NRP2: variants seen among roughly 807,000 people sequenced by gnomAD.
NRP2 encodes neuropilin 2, also known as neuropilin-2.
NRP2 carries 52 observed loss-of-function variants against 110.4 expected under a neutral mutation model. The ratio of observed to expected loss-of-function variants is 0.47; its 90% CI spans 0.38 to 0.59. The LOEUF is 0.59. Among genes scored for constraint, NRP2 ranks in the 20% least tolerant of loss-of-function variants. The pLI is 0.00. For missense variants in NRP2, 1,049 were observed against 1,203.0 expected (o/e 0.87, Z 1.89); for synonymous variants, 508 against 468.9 (o/e 1.08, Z -1.08).
intron 2 of NRP2, among the ~76,000 whole-genome samples, chr2:205,703,138 C>T (rs187026631): frequency 6.6e-6 from 1 of 152,318 alleles, no homozygotes; most frequent in East Asian, 1.9e-4. Flanking sequence ...AAATGCCAGG[C>T]AATAGGTCAG....
At chr2:205,698,920 A>T (rs2056494584) in intron 2 of NRP2, among the ~76,000 whole-genome samples, 1 of 152,266 alleles carries the variant, frequency 6.6e-6, no homozygotes, top group African/African-American at 2.4e-5. Context: ...GGTCTGGGCC[A>T]GCACTTCCTC....
At chr2:205,774,565 A>T (rs945671251) in intron 15 of NRP2, among the ~76,000 whole-genome samples, 1 of 152,224 alleles carries the variant, frequency 6.6e-6, no homozygotes, top group African/African-American at 2.4e-5. Context: ...GGTGCCAATG[A>T]ACCTGCACCC....
At chr2:205,727,500 G>A (rs2057150030) in intron 6 of NRP2, among the ~76,000 whole-genome samples, 1 of 152,174 alleles carries the variant, frequency 6.6e-6, no homozygotes, top group South Asian at 2.1e-4. Context: ...GAGTTGGATT[G>A]AACTGGACAG....
intron 7 of NRP2, chr2:205,739,875 A>G (rs849576): frequency 0.96 from 157,503 of 163,492 alleles, 76,077 homozygotes; most frequent in East Asian, 1. Flanking sequence ...ATTACAGGGC[A>G]GGACTACAGT....
chr2:205,728,804 C>CT (rs1347682374), intron 7 of NRP2, among the ~76,000 whole-genome samples: 1 of 152,198 alleles, frequency 6.6e-6, no homozygotes, highest in African/African-American at 2.4e-5. Flanking sequence ...CAGCCAGGGG[C>CT]TTGTGTGGGT....
intron 15 of NRP2, among the ~76,000 whole-genome samples, chr2:205,791,416 C>G (rs1292298161): frequency 6.6e-6 from 1 of 152,160 alleles, no homozygotes; most frequent in Non-Finnish European, 1.5e-5. Flanking sequence ...ATTTGATGTT[C>G]TCTATTAATG....
Position 205,763,800 on chromosome 2 carries a change from G to A in NRP2, c.2171G>A (p.Gly724Asp). The change falls in exon 13 of 17, where the codon GGC becomes GAC. Residue 724 changes from glycine (G) to aspartate (D), a missense_variant. Coordinates refer to ENST00000357785, the MANE Select transcript of NRP2 (RefSeq NM_003872.3). This position sits in a 1 kb window ranked among gnomAD's most constrained non-coding sequence, Gnocchi z 4.0. ...ATGGAGTTCCAGTACCAGGCCACGG[G>A]CGGCCGCGGGGTGGCGCTGCAGGTG... ...VCMEFQYQAT[G>D]GRGVALQVVR... The A allele has an allele frequency of 1.2e-6, 2 of 1,614,130 alleles. No homozygotes were observed. Among genetic ancestry groups the A allele is most frequent in the Non-Finnish European group, 1.7e-6 (2 of 1,180,018 alleles).
intron 10 of NRP2, among the ~76,000 whole-genome samples, chr2:205,748,475 G>T (rs1041859130): frequency 2.6e-5 from 4 of 152,190 alleles, no homozygotes; most frequent in African/African-American, 7.2e-5. Context: ...GACACTTCGA[G>T]GTTATTTGCT....
chr2:205,713,155 C>A (rs2056831506), intron 2 of NRP2, among the ~76,000 whole-genome samples: 2 of 152,050 alleles, frequency 1.3e-5, no homozygotes, highest in African/African-American at 2.4e-5. Flanking sequence ...TCTGTTAATC[C>A]CCTAAATGAC....
intron 2 of NRP2, among the ~76,000 whole-genome samples, chr2:205,698,642 T>TCTA (rs1476529573): frequency 2.0e-5 from 3 of 152,220 alleles, no homozygotes; most frequent in Admixed American, 6.5e-5. Flanking sequence ...CTTTAAGCTG[T>TCTA]CTACTGAGCT....
chr2:205,779,282 T>C (rs994476267), intron 15 of NRP2: 2 of 152,194 alleles, frequency 1.3e-5, no homozygotes, highest in Admixed American at 6.5e-5. Flanking sequence ...GATATTATGC[T>C]AGCAATTGCC....
In NRP2 at chr2:205,697,535, C is replaced by G. The variant is rs1362280771; in HGVS notation, c.74-9C>G. 1 of 1,613,368 alleles carries G rather than the reference C, an allele frequency of 6.2e-7. No homozygotes were observed. Among genetic ancestry groups the G allele is most frequent in the Non-Finnish European group, 8.5e-7 (1 of 1,179,430 alleles). On this transcript the variant is annotated splice_polypyrimidine_tract_variant and intron_variant, in intron 1 of 16. Transcript: ENST00000357785. ...TTGAAGTTCTTTGGGTCGTTGATTT[C>G]TCTTTCAGACCCACCGTGCGGAGGT... is the stretch of plus-strand genomic sequence containing the variant.
intron 15 of NRP2, among the ~76,000 whole-genome samples, chr2:205,780,403 T>C (rs2058160807): frequency 6.6e-6 from 1 of 152,170 alleles, no homozygotes; most frequent in Non-Finnish European, 1.5e-5. Context: ...TCTTTCTTGA[T>C]GAGTATTTTT....
At chr2:205,734,347 C>A (rs917299705) in intron 7 of NRP2, among the ~76,000 whole-genome samples, 1 of 151,822 alleles carries the variant, frequency 6.6e-6, no homozygotes, top group Non-Finnish European at 1.5e-5. Context: ...AGATCAGGAC[C>A]ATGATTCACA....
intron 4 of NRP2, 149 bp downstream of exon 4, chr2:205,722,857 G>C: frequency 1.5e-6 from 1 of 670,914 alleles, no homozygotes; most frequent in Non-Finnish European, 2.7e-6. Flanking sequence ...CTTCACTAAG[G>C]ATAGCTTGAG....
At chr2:205,757,639 T>G (rs1465144034) in intron 12 of NRP2, among the ~76,000 whole-genome samples, 1 of 152,210 alleles carries the variant, frequency 6.6e-6, no homozygotes, top group African/African-American at 2.4e-5. Context: ...GAATTGCTGT[T>G]AGATTGAACT....
chr2:205,688,939 C>T (rs1483599540), intron 1 of NRP2, among the ~76,000 whole-genome samples: 1 of 152,200 alleles, frequency 6.6e-6, no homozygotes, highest in Non-Finnish European at 1.5e-5. Context: ...CCGCCCTCCC[C>T]GGCCCCATGC....
In NRP2 at chr2:205,734,548, G is replaced by T. The variant is rs74520337; in HGVS notation, c.1147-5971G>T. ...GGTTTCAGAGCAGATGCAAGGGAAG[G>T]GGGTGGGAGAGGGAGGACACACAGA... On this transcript the variant is annotated intron_variant, in intron 7 of 16. Transcript: ENST00000357785. Among the ~76,000 whole-genome samples the T allele has an allele frequency of 2.8e-3, 432 of 152,260 alleles. 12 individuals are homozygous for T. The South Asian group carries it at 0.064, about 23-fold the overall frequency.
intron 12 of NRP2, among the ~76,000 whole-genome samples, chr2:205,753,344 C>T (rs763002069): frequency 2.6e-5 from 4 of 152,204 alleles, no homozygotes; most frequent in Non-Finnish European, 4.4e-5. Context: ...TTGTCAACTT[C>T]GAGCTGGGTA....
Sources: allele counts gnomAD v4.1 joint callset (sites outside exome capture counted in the v4.1 genomes callset), GRCh38; gene constraint gnomAD v4.1.1; non-coding constraint Gnocchi (gnomAD v3.1); transcripts MANE v1.5; gene names NCBI Gene and HGNC (gene_info 2026-07-23, HGNC 2026-07-21).